The following NSL1 variants were observed in gnomAD, a reference collection of about 807,000 sequenced individuals.
NSL1 encodes kinetochore-associated protein NSL1 homolog.
A neutral mutation model predicts 25.4 loss-of-function variants in NSL1; 11 were observed. The observed-to-expected ratio is 0.43, with a 90% CI of 0.27 to 0.72. The LOEUF (loss-of-function observed/expected upper bound fraction) is 0.72. Among genes scored for constraint, NSL1 ranks in the 30% least tolerant of loss-of-function variants. NSL1 has a pLI of 0.19. For missense variants in NSL1, 330 were observed against 342.7 expected (o/e 0.96, Z 0.29); for synonymous variants, 118 against 120.6 (o/e 0.98, Z 0.14).
In NSL1 at chr1:212,730,359, A is replaced by T; in HGVS notation, c.*8049T>A. 1 of 985,278 alleles carries T rather than the reference A, an allele frequency of 1.0e-6. No individual in the cohort carries two copies. Among genetic ancestry groups the T allele is most frequent in the Non-Finnish European group, 1.2e-6 (1 of 829,910 alleles). 61.0% of individuals were successfully genotyped at this position (985,278 alleles called of 1,614,324 possible). On this transcript the variant is annotated 3_prime_UTR_variant, in exon 6 of 6. Coordinates refer to ENST00000366977, the MANE Select transcript of NSL1 (RefSeq NM_015471.4). ...GGTGGCATCAGGGGCAGAAATGGACAAAAGAACTCCAATGACATCATTGTA... is the reference window on the plus strand; with the variant it reads ...GGTGGCATCAGGGGCAGAAATGGACTAAAGAACTCCAATGACATCATTGTA...
rs1490297980 is a variant in NSL1 at position 212,727,514 on chromosome 1, A to T, written c.*10894T>A. ...CTTTTGCAATTTAGGTTAATATCAT[A>T]ACTATACCACTGGAGAGAAAGGACA... On this transcript the variant is annotated 3_prime_UTR_variant, in exon 6 of 6. Coordinates refer to ENST00000366977, the MANE Select transcript of NSL1 (RefSeq NM_015471.4). 1.0e-6 allele frequency: 1 copy of T among 985,314 alleles called. No individual in the cohort carries two copies. Among genetic ancestry groups the T allele is most frequent in the Non-Finnish European group, 1.2e-6 (1 of 829,918 alleles). The allele number at this position is 985,314 out of a possible 1,614,324, so 61.0% of individuals were successfully genotyped here. A position where few individuals can be genotyped will look rare whatever the true frequency, so the allele number is the denominator to read the frequency against.
Position 212,730,715 on chromosome 1 carries a change from G to C in NSL1, c.*7693C>G. Reference sequence around the variant, plus strand: ...CCATCCTCTGCTCTTATGTCCTGCAGGGATATGGGAATTAGACTTAGTTCT... The same window carrying C: ...CCATCCTCTGCTCTTATGTCCTGCACGGATATGGGAATTAGACTTAGTTCT... On this transcript the variant is annotated 3_prime_UTR_variant, in exon 6 of 6. Coordinates refer to ENST00000366977, the MANE Select transcript of NSL1 (RefSeq NM_015471.4). 1 of 985,392 alleles carries C rather than the reference G, an allele frequency of 1.0e-6. No homozygotes were observed. Among genetic ancestry groups the C allele is most frequent in the African/African-American group, 1.7e-5 (1 of 57,332 alleles). The allele number at this position is 985,392 out of a possible 1,614,324, so 61.0% of individuals were successfully genotyped here. A position where few individuals can be genotyped will look rare whatever the true frequency, so the allele number is the denominator to read the frequency against.
At chr1:212,775,792 T>C (rs1422427503) in intron 4 of NSL1, among the ~76,000 whole-genome samples, 2 of 152,052 alleles carry the variant, frequency 1.3e-5, no homozygotes, top group Non-Finnish European at 2.9e-5. Context: ...TAATTAATCA[T>C]TGAGTACAAA....
intron 4 of NSL1, among the ~76,000 whole-genome samples, chr1:212,753,515 T>C (rs945806260): frequency 2.0e-5 from 3 of 152,186 alleles, no homozygotes; most frequent in Admixed American, 1.3e-4. Context: ...CTGATGTCAC[T>C]TATTTATTTT....
Position 212,728,694 on chromosome 1 carries a change from C to G in NSL1, c.*9714G>C, listed in dbSNP as rs538371576. On this transcript the variant is annotated 3_prime_UTR_variant, in exon 6 of 6. Coordinates refer to ENST00000366977, the MANE Select transcript of NSL1 (RefSeq NM_015471.4). Reference sequence around the variant, plus strand: ...CATCACTTATACCATTTGGTGAGATCTCTGGAGAATGGAACACCTTCACAG... The same window carrying G: ...CATCACTTATACCATTTGGTGAGATGTCTGGAGAATGGAACACCTTCACAG... 29 of 985,432 alleles carry G rather than the reference C, an allele frequency of 2.9e-5. No homozygotes were observed. In the African/African-American group the frequency reaches 3.3e-4, roughly 11 times the overall value. The allele number at this position is 985,432 out of a possible 1,614,324, so 61.0% of individuals were successfully genotyped here.
chr1:212,776,941 C>T (rs1025054052), intron 4 of NSL1, among the ~76,000 whole-genome samples: 2 of 151,198 alleles, frequency 1.3e-5, no homozygotes, highest in Non-Finnish European at 2.9e-5. Flanking sequence ...CTAAAAATAA[C>T]GGGAACCTCA....
chr1:212,786,624 A>G (rs1660958305), intron 2 of NSL1, among the ~76,000 whole-genome samples: 1 of 152,156 alleles, frequency 6.6e-6, no homozygotes, highest in Non-Finnish European at 1.5e-5. Context: ...CCTGGCCAAC[A>G]TGGTAAAACC....
Position 212,728,203 on chromosome 1 carries a change from T to C in NSL1, c.*10205A>G, listed in dbSNP as rs1405500713. The C allele has an allele frequency of 5.4e-6, 5 of 929,514 alleles. No individual in the cohort carries two copies. Among genetic ancestry groups the C allele is most frequent in the Non-Finnish European group, 6.4e-6 (5 of 779,250 alleles). The allele number at this position is 929,514 out of a possible 1,614,324, so 57.6% of individuals were successfully genotyped here. A position where few individuals can be genotyped will look rare whatever the true frequency, so the allele number is the denominator to read the frequency against. On this transcript the variant is annotated 3_prime_UTR_variant, in exon 6 of 6. Coordinates refer to ENST00000366977, the MANE Select transcript of NSL1 (RefSeq NM_015471.4). ...CATGATCATGGCATGTAGTAAGCAC[T>C]CAATACATGGTAACTACTAGCATTA...
In NSL1 at chr1:212,734,161, C is replaced by A. The variant is rs1558035492; in HGVS notation, c.*4247G>T. On this transcript the variant is annotated 3_prime_UTR_variant, in exon 6 of 6. Transcript: ENST00000366977. Reference sequence around the variant, plus strand: ...TTTCTCTTCTTTCTGGGAGTACAGTCATCATTCTGGGATTTTGCTTTGTAT... The same window carrying A: ...TTTCTCTTCTTTCTGGGAGTACAGTAATCATTCTGGGATTTTGCTTTGTAT... Among the ~76,000 whole-genome samples, 1 of 152,152 alleles carries A rather than the reference C, an allele frequency of 6.6e-6. No homozygotes were observed. Among genetic ancestry groups the A allele is most frequent in the Non-Finnish European group, 1.5e-5 (1 of 68,028 alleles).
At chr1:212,778,268 T>C (rs905201507) in intron 4 of NSL1, among the ~76,000 whole-genome samples, 13 of 152,246 alleles carry the variant, frequency 8.5e-5, no homozygotes, top group Non-Finnish European at 1.8e-4. Flanking sequence ...AAGCTCTTTA[T>C]GGGGAGAATC....
chr1:212,746,557 G>C (rs1301207481), intron 4 of NSL1, among the ~76,000 whole-genome samples: 1 of 152,082 alleles, frequency 6.6e-6, no homozygotes, highest in African/African-American at 2.4e-5. Flanking sequence ...AAGTGTAAAT[G>C]GATTAAACTT....
intron 4 of NSL1, among the ~76,000 whole-genome samples, chr1:212,773,684 T>TA (rs1660226427): frequency 1.3e-5 from 2 of 152,144 alleles, no homozygotes; most frequent in Non-Finnish European, 2.9e-5. Context: ...TTCCTGCCAC[T>TA]GGGTATTCAT....
intron 3 of NSL1, chr1:212,784,012 A>G (rs13376317): frequency 0.18 from 28,462 of 155,732 alleles, 3,024 homozygotes; most frequent in African/African-American, 0.3. Flanking sequence ...ATGCCAAAAA[A>G]AAACAACAAA....
chr1:212,791,521 G>A lies in NSL1; in HGVS notation c.234+9C>T, dbSNP rs1228646588. ...TGATGAGTAAAGAACTGGCTAACTG[G>A]TCCCGTACCCACTGCGCATCTCGCA... is the stretch of plus-strand genomic sequence containing the variant. On this transcript the variant is annotated intron_variant, in intron 1 of 5. Coordinates refer to ENST00000366977, the MANE Select transcript of NSL1 (RefSeq NM_015471.4). 6 of 1,610,458 alleles carry A rather than the reference G, an allele frequency of 3.7e-6. No individual in the cohort carries two copies. The highest frequency in any genetic ancestry group is 2.7e-5 in the African/African-American group (2 of 74,874).
intron 4 of NSL1, among the ~76,000 whole-genome samples, chr1:212,779,190 G>A (rs1571913956): frequency 6.6e-6 from 1 of 151,684 alleles, no homozygotes; most frequent in Non-Finnish European, 1.5e-5. Flanking sequence ...GGGAAGTGAG[G>A]AGCGTCTCCG....
chr1:212,786,685 G>A (rs1660961591), intron 2 of NSL1, among the ~76,000 whole-genome samples: 1 of 151,014 alleles, frequency 6.6e-6, no homozygotes, highest in East Asian at 2.0e-4. Context: ...GCAAGCACCT[G>A]TGATTCCAGC....
intron 4 of NSL1, among the ~76,000 whole-genome samples, chr1:212,742,051 C>T (rs1466181135): frequency 6.6e-6 from 1 of 152,106 alleles, no homozygotes; most frequent in African/African-American, 2.4e-5. Flanking sequence ...CCCAACACCA[C>T]CCCCCACTTC....
intron 4 of NSL1, among the ~76,000 whole-genome samples, chr1:212,759,209 C>G (rs78026458): frequency 0.023 from 3,464 of 151,984 alleles, 63 homozygotes; most frequent in South Asian, 0.042. Flanking sequence ...TAGATTTTGC[C>G]AAATTTAAAA....
intron 4 of NSL1, among the ~76,000 whole-genome samples, chr1:212,778,668 C>T (rs558508988): frequency 1.3e-5 from 2 of 152,208 alleles, no homozygotes; most frequent in African/African-American, 2.4e-5. Flanking sequence ...CCCGAGGTGC[C>T]GGGATTGCAG....
Sources: gnomAD v4.1 joint callset for allele counts (sites outside exome capture counted in the v4.1 genomes callset) on GRCh38, gnomAD v4.1.1 for gene constraint, MANE v1.5 for transcripts, NCBI Gene and HGNC (gene_info 2026-07-23, HGNC 2026-07-21) for gene names.